Variants in CPEB3 observed in about 807,000 individuals in gnomAD.
CPEB3 encodes cytoplasmic polyadenylation element binding protein 3.
CPEB3 carries 20 observed loss-of-function variants against 67.2 expected under a neutral mutation model. The ratio of observed to expected loss-of-function variants is 0.30; its 90% CI spans 0.21 to 0.43. The LOEUF is 0.43. Among genes scored for constraint, CPEB3 ranks in the 20% least tolerant of loss-of-function variants. The pLI, the probability that CPEB3 is intolerant of heterozygous loss-of-function variation, is 1.00. For missense variants in CPEB3, 746 were observed against 968.6 expected (o/e 0.77, Z 3.05); for synonymous variants, 376 against 393.1 (o/e 0.96, Z 0.51).
chr10:92,105,969 T>C (rs1188139076), intron 7 of CPEB3, among the ~76,000 whole-genome samples: 2 of 152,208 alleles, frequency 1.3e-5, no homozygotes, highest in Admixed American at 6.5e-5. Flanking sequence ...GTCGGCTCAC[T>C]GCAACCTCTG....
intron 2 of CPEB3, among the ~76,000 whole-genome samples, chr10:92,203,418 A>G (rs1206505111): frequency 9.7e-5 from 14 of 144,862 alleles, no homozygotes; most frequent in African/African-American, 3.4e-4. Context: ...ATGTATATGT[A>G]TATATATACG....
intron 8 of CPEB3, among the ~76,000 whole-genome samples, chr10:92,083,505 TAC>T (rs145284319): frequency 0.011 from 1,712 of 152,334 alleles, 27 homozygotes; most frequent in African/African-American, 0.039. Context: ...AATCTCCTCA[TAC>T]GGCTAATGTT....
chr10:92,188,397 T>A (rs972932128), intron 3 of CPEB3, among the ~76,000 whole-genome samples: 3 of 147,000 alleles, frequency 2.0e-5, no homozygotes, highest in Non-Finnish European at 4.5e-5. Flanking sequence ...AGCACGTAGT[T>A]TGGGATCTTT....
intron 7 of CPEB3, among the ~76,000 whole-genome samples, chr10:92,108,278 T>C (rs970714508): frequency 6.6e-6 from 1 of 152,194 alleles, no homozygotes; most frequent in Non-Finnish European, 1.5e-5. Context: ...AAAAAAAGTT[T>C]GGTGAGTGAG....
chr10:92,227,782 G>A (rs1360385543), intron 2 of CPEB3, among the ~76,000 whole-genome samples: 1 of 151,910 alleles, frequency 6.6e-6, no homozygotes. Context: ...TAGTAGAGAC[G>A]GGGTTTCACT....
intron 9 of CPEB3, among the ~76,000 whole-genome samples, chr10:92,063,107 C>T (rs1467634660): frequency 1.3e-5 from 2 of 152,216 alleles, no homozygotes; most frequent in Non-Finnish European, 2.9e-5. Flanking sequence ...TAGAATGCTA[C>T]AGACAAAGAG....
At chr10:92,092,677 G>A (rs1843669902) in intron 7 of CPEB3, among the ~76,000 whole-genome samples, 1 of 152,112 alleles carries the variant, frequency 6.6e-6, no homozygotes, top group Non-Finnish European at 1.5e-5. Context: ...CTACTCAGGA[G>A]GCTGAGGCAT....
chr10:92,133,863 T>C (rs542063903), intron 6 of CPEB3, among the ~76,000 whole-genome samples: 1 of 152,164 alleles, frequency 6.6e-6, no homozygotes, highest in African/African-American at 2.4e-5. Context: ...GGTTCAACAT[T>C]GCAAATCAAT....
At chr10:92,229,807 G>A (rs1357962056) in intron 2 of CPEB3, among the ~76,000 whole-genome samples, 1 of 152,224 alleles carries the variant, frequency 6.6e-6, no homozygotes, top group Non-Finnish European at 1.5e-5. Context: ...CACTTTGGGA[G>A]GCCAAGGCAG....
chr10:92,121,169 C>T (rs1845357088), intron 6 of CPEB3, among the ~76,000 whole-genome samples: 1 of 151,684 alleles, frequency 6.6e-6, no homozygotes, highest in Non-Finnish European at 1.5e-5. Flanking sequence ...CCACCACACC[C>T]AGCTAATTTT....
At chr10:92,107,307 C>A (rs1244892275) in intron 7 of CPEB3, among the ~76,000 whole-genome samples, 2 of 152,126 alleles carry the variant, frequency 1.3e-5, no homozygotes, top group Non-Finnish European at 2.9e-5. Context: ...ATAGCAAAAT[C>A]ACTCTGTTGT....
intron 2 of CPEB3, among the ~76,000 whole-genome samples, chr10:92,215,739 C>CTTTTT (rs373522649): frequency 1.9e-4 from 19 of 99,922 alleles, no homozygotes; most frequent in Non-Finnish European, 2.2e-4. Context: ...TGGCGCCTGG[C>CTTTTT]TTTTTTTTTT....
At chr10:92,124,505 A>G (rs1275787640) in intron 6 of CPEB3, among the ~76,000 whole-genome samples, 4 of 152,358 alleles carry the variant, frequency 2.6e-5, no homozygotes, top group African/African-American at 9.6e-5. Context: ...TGTTTTTACA[A>G]GAAAATCCTT....
intron 4 of CPEB3, 27 bp downstream of exon 4, chr10:92,180,936 A>G: frequency 8.7e-7 from 1 of 1,150,902 alleles, no homozygotes; most frequent in Non-Finnish European, 1.3e-6. Flanking sequence ...CTGCTAATTT[A>G]ATAGAATATT....
At chr10:92,243,320 GA>G (rs1374646650) in intron 1 of CPEB3, 1 of 152,176 alleles carries the variant, frequency 6.6e-6, no homozygotes, top group Non-Finnish European at 1.5e-5. Context: ...TGTGGGGGCT[GA>G]AGTCCTTCAC....
At position 92,241,210 on chromosome 10, in the gene CPEB3, T is replaced by A. The variant is rs575069999; in HGVS notation, c.-11-849A>T. Among the ~76,000 whole-genome samples, 6 of 151,946 alleles carry A rather than the reference T, an allele frequency of 3.9e-5. No homozygotes were observed. The East Asian group carries it at 1.2e-3, about 29-fold the overall frequency. On this transcript the variant is annotated intron_variant, in intron 1 of 9. Transcript: ENST00000265997. ...AGAGATTTCTTGGCATCGCAGTGCTTCAGGTCTCAACAGGAGCCTAAGAAT... is the reference window on the plus strand; with the variant it reads ...AGAGATTTCTTGGCATCGCAGTGCTACAGGTCTCAACAGGAGCCTAAGAAT...
At chr10:92,274,340 A>T (rs563433392) in intron 1 of CPEB3, among the ~76,000 whole-genome samples, 1 of 152,260 alleles carries the variant, frequency 6.6e-6, no homozygotes, top group Admixed American at 6.5e-5. Flanking sequence ...TGCCTCACAC[A>T]TGGCTGCTCT....
chr10:92,243,413 T>G (rs920891028), intron 1 of CPEB3: 1 of 152,156 alleles, frequency 6.6e-6, no homozygotes, highest in Non-Finnish European at 1.5e-5. Flanking sequence ...GAAAAGGTTG[T>G]GTCCTGATTA....
chr10:92,094,368 C>T (rs759315970), intron 7 of CPEB3, among the ~76,000 whole-genome samples: 3 of 151,790 alleles, frequency 2.0e-5, no homozygotes, highest in Non-Finnish European at 2.9e-5. Context: ...TTTGGGAGGC[C>T]GAGGCAGGCG....
Sources: gnomAD v4.1 joint callset for allele counts (sites outside exome capture counted in the v4.1 genomes callset) on GRCh38, gnomAD v4.1.1 for gene constraint, MANE v1.5 for transcripts, NCBI Gene and HGNC (gene_info 2026-07-23, HGNC 2026-07-21) for gene names.